FNBP1: variants seen among roughly 807,000 people sequenced by gnomAD.
The protein encoded by FNBP1 is formin-binding protein 1.
Under a neutral mutation model 90.6 loss-of-function variants are expected in FNBP1, and 26 were observed. The ratio of observed to expected loss-of-function variants is 0.29; its 90% CI spans 0.21 to 0.40. The LOEUF is 0.40. FNBP1 is among the 10% of genes least tolerant of loss of function. The probability of loss-of-function intolerance (pLI) is 1.00; values close to 1 mark genes in which losing one functional copy is unlikely to be tolerated. For synonymous variants in FNBP1, 260 were observed against 265.2 expected (o/e 0.98, Z 0.19); for missense variants, 635 against 768.0 (o/e 0.83, Z 2.05).
intron 4 of FNBP1, among the ~76,000 whole-genome samples, chr9:129,961,228 A>G (rs1346170025): frequency 1.3e-5 from 2 of 152,022 alleles, no homozygotes; most frequent in African/African-American, 4.8e-5. Context: ...CAGGAGAATC[A>G]CTTGAACTGG....
chr9:130,050,931 C>T, the FNBP1 span, among the ~76,000 whole-genome samples: 820 of 148,410 alleles, frequency 5.5e-3, 12 homozygotes, highest in African/African-American at 0.018. Flanking sequence ...GACAGAATCT[C>T]GCTCTGTCAC....
At chr9:130,028,390 G>A (rs540901646) in intron 1 of FNBP1, among the ~76,000 whole-genome samples, 6 of 152,264 alleles carry the variant, frequency 3.9e-5, no homozygotes, top group African/African-American at 1.4e-4. Context: ...AAGCACATGG[G>A]CAGCTTTCAA....
chr9:130,023,627 G>A (rs10491512), intron 1 of FNBP1, among the ~76,000 whole-genome samples: 10,724 of 152,146 alleles, frequency 0.07, 499 homozygotes, highest in East Asian at 0.15. Flanking sequence ...GCTTTACTTG[G>A]AGTTGGGAAG....
intron 2 of FNBP1, among the ~76,000 whole-genome samples, chr9:129,979,742 C>T (rs1231375875): frequency 6.6e-6 from 1 of 152,012 alleles, no homozygotes; most frequent in African/African-American, 2.4e-5. Flanking sequence ...CGGGTTCAAG[C>T]GATTCTCCTG....
chr9:129,994,518 C>T (rs2053692163), intron 2 of FNBP1, among the ~76,000 whole-genome samples: 1 of 152,046 alleles, frequency 6.6e-6, no homozygotes, highest in Non-Finnish European at 1.5e-5. Flanking sequence ...ATTCATGGAG[C>T]TGCACACTTA....
chr9:129,927,100 C>CT (rs755616238), intron 8 of FNBP1, 95 bp downstream of exon 8: 19 of 1,270,544 alleles, frequency 1.5e-5, no homozygotes, highest in Admixed American at 1.8e-5. Context: ...AACCATCCAC[C>CT]ATGAGATGAT....
At position 129,971,348 on chromosome 9, in the gene FNBP1, ATACT is replaced by A. The variant is rs568033590; in HGVS notation, c.345+7113_345+7116del. Among the ~76,000 whole-genome samples, 3 of 152,220 alleles carry A rather than the reference ATACT, an allele frequency of 2.0e-5. No individual in the cohort carries two copies. In the South Asian group the frequency reaches 6.2e-4, roughly 32 times the overall value. ...GAATAAAAAGCATCTTTTCTCCTAG[ATACT>A]TAAGTAGAAGTAGTAATCCTATTTT... On this transcript the variant is annotated intron_variant, in intron 4 of 16. Coordinates refer to ENST00000446176, the MANE Select transcript of FNBP1 (RefSeq NM_015033.3).
chr9:129,927,891 G>C lies in FNBP1; in HGVS notation c.643-550C>G, dbSNP rs567518930. On this transcript the variant is annotated intron_variant, in intron 7 of 16. Transcript: ENST00000446176. ...CACCTGCCTAGGCCTCCAAAGTGCT[G>C]GGATTACAGGCTTGAGCCACCACAC... Among the ~76,000 whole-genome samples, 7 of 152,084 alleles carry C rather than the reference G, an allele frequency of 4.6e-5. 2 individuals carry two copies. Among genetic ancestry groups the C allele is most frequent in the African/African-American group, 1.7e-4 (7 of 41,464 alleles).
At chr9:129,960,391 AAAAAAAAAAAAAG>A (rs1329634917) in intron 4 of FNBP1, among the ~76,000 whole-genome samples, 1 of 147,684 alleles carries the variant, frequency 6.8e-6, no homozygotes, top group Non-Finnish European at 1.5e-5. Context: ...CTCAAAAAAA[AAAAAAAAAAAAAG>A]AAAAAGAAAA....
chr9:130,001,222 C>T (rs930508939), intron 1 of FNBP1, among the ~76,000 whole-genome samples: 6 of 150,462 alleles, frequency 4.0e-5, no homozygotes, highest in African/African-American at 1.5e-4. Flanking sequence ...ATAACAGTTA[C>T]TCGGGAGACT....
rs2034916837 is a variant in FNBP1, at chr9:129,889,210, A to G, written c.*1329T>C. On this transcript the variant is annotated 3_prime_UTR_variant, in exon 17 of 17. Coordinates refer to ENST00000446176, the MANE Select transcript of FNBP1 (RefSeq NM_015033.3). ...CATGCCCTGAAGAGCACGTGATAAA[A>G]TACAAGGGTGGTGGCGGCGGGATCC... 1 of 204,194 alleles carries G rather than the reference A, an allele frequency of 4.9e-6. No individual in the cohort carries two copies. The highest frequency in any genetic ancestry group is 2.3e-5 in the African/African-American group (1 of 43,564). 12.6% of individuals were successfully genotyped at this position (204,194 alleles called of 1,614,324 possible). A position where few individuals can be genotyped will look rare whatever the true frequency, so the allele number is the denominator to read the frequency against.
intron 1 of FNBP1, among the ~76,000 whole-genome samples, chr9:130,011,473 T>C (rs2056598885): frequency 1.3e-5 from 2 of 151,856 alleles, no homozygotes; most frequent in South Asian, 2.1e-4. Context: ...CTGGTGCCTA[T>C]GGGAACTGAT....
At chr9:129,965,703 C>CGT (rs1392174811) in intron 4 of FNBP1, among the ~76,000 whole-genome samples, 1 of 106,254 alleles carries the variant, frequency 9.4e-6, no homozygotes, top group Non-Finnish European at 1.9e-5. Flanking sequence ...CACACGCGCG[C>CGT]GCGCGCACAC....
chr9:130,043,057 A>C lies in FNBP1; in HGVS notation c.-82T>G. On this transcript the variant is annotated 5_prime_UTR_variant, in exon 1 of 17. Coordinates refer to ENST00000446176, the MANE Select transcript of FNBP1 (RefSeq NM_015033.3). ...TCCCCGGCGATCCCTTTGCCCCCCG[A>C]GATCCCCGCGACGGCGGAAAGCCCG... The C allele has an allele frequency of 8.4e-7, 1 of 1,194,732 alleles. No individual in the cohort carries two copies. Among genetic ancestry groups the C allele is most frequent in the Non-Finnish European group, 1.0e-6 (1 of 957,072 alleles). 74.0% of individuals were successfully genotyped at this position (1,194,732 alleles called of 1,614,324 possible).
rs762912634 is a variant in FNBP1 at position 129,892,414 on chromosome 9, C to CACACACACACACACACAA, written c.1847-1869_1847-1868insTTGTGTGTGTGTGTGTGT. On this transcript the variant is annotated intron_variant, in intron 16 of 16. Transcript: ENST00000446176. Reference sequence around the variant, plus strand: ...ACACACACACACACACACACACACACACAAAAAGGTTGACCGGCATTATAA... The same window carrying CACACACACACACACACAA: ...ACACACACACACACACACACACACACACACACACACACACACAAACAAAAAGGTTGACCGGCATTATAA... Among the ~76,000 whole-genome samples the CACACACACACACACACAA allele has an allele frequency of 2.2e-4, 27 of 125,324 alleles. No homozygotes were observed. In the East Asian group the frequency reaches 2.7e-3, roughly 12 times the overall value. 82.2% of individuals were successfully genotyped at this position (125,324 alleles called of 152,430 possible). A position where few individuals can be genotyped will look rare whatever the true frequency, so the allele number is the denominator to read the frequency against.
intron 16 of FNBP1, among the ~76,000 whole-genome samples, chr9:129,894,036 C>T (rs1290863049): frequency 6.6e-6 from 1 of 152,028 alleles, no homozygotes; most frequent in South Asian, 2.1e-4. Flanking sequence ...TTCTAGAGCC[C>T]GAATGTGCAG....
chr9:129,922,234 T>G (rs1437499813), intron 10 of FNBP1, among the ~76,000 whole-genome samples: 3 of 152,222 alleles, frequency 2.0e-5, no homozygotes, highest in Non-Finnish European at 2.9e-5. Flanking sequence ...AATCTACACA[T>G]TGCTTTATGC....
At chr9:130,007,249 A>G (rs1302807760) in intron 1 of FNBP1, among the ~76,000 whole-genome samples, 1 of 148,798 alleles carries the variant, frequency 6.7e-6, no homozygotes, top group Admixed American at 6.6e-5. Flanking sequence ...CAAAAAAAAA[A>G]AAAAAAAAGA....
At chr9:129,919,889 C>G (rs1206571762) in intron 10 of FNBP1, among the ~76,000 whole-genome samples, 1 of 152,186 alleles carries the variant, frequency 6.6e-6, no homozygotes, top group Non-Finnish European at 1.5e-5. Flanking sequence ...GTCACGGAAG[C>G]TGTCAGCCAT....
Sources: allele counts gnomAD v4.1 joint callset (sites outside exome capture counted in the v4.1 genomes callset), GRCh38; gene constraint gnomAD v4.1.1; transcripts MANE v1.5; gene names NCBI Gene and HGNC (gene_info 2026-07-23, HGNC 2026-07-21).